The following TMEM260 variants were observed in gnomAD, a reference collection of about 807,000 sequenced individuals.
TMEM260 encodes the protein transmembrane protein 260.
A neutral mutation model predicts 88.9 loss-of-function variants in TMEM260; 82 were observed. That is an observed-to-expected ratio of 0.92 (90% CI 0.77 to 1.11). The LOEUF (loss-of-function observed/expected upper bound fraction) is 1.11. TMEM260 is among the 50% of genes least tolerant of loss of function. TMEM260 has a pLI of 0.00. For missense variants in TMEM260, 902 were observed against 853.4 expected, an observed-to-expected ratio of 1.06 and a Z score of -0.71; for synonymous variants, 314 against 309.3, an observed-to-expected ratio of 1.02 and a Z score of -0.16.
chr14:56,611,232 C>CT (rs1017062701), intron 6 of TMEM260, among the ~76,000 whole-genome samples: 4 of 152,088 alleles, frequency 2.6e-5, no homozygotes, highest in Admixed American at 1.3e-4. Context: ...TCCCAAAGTG[C>CT]TGGGATTACA....
chr14:56,611,946 A>G (rs1412000375), intron 6 of TMEM260, among the ~76,000 whole-genome samples: 1 of 152,166 alleles, frequency 6.6e-6, no homozygotes, highest in East Asian at 1.9e-4. Context: ...AGTGGGAGCT[A>G]AACATTGAGT....
chr14:56,634,289 G>C (rs1403946056), intron 13 of TMEM260, among the ~76,000 whole-genome samples: 3 of 152,036 alleles, frequency 2.0e-5, no homozygotes, highest in Non-Finnish European at 2.9e-5. Context: ...CCTCTGCCCT[G>C]TTGCCATCTA....
At chr14:56,594,171 T>C (rs4606637) in intron 3 of TMEM260, among the ~76,000 whole-genome samples, 135,062 of 151,912 alleles carry the variant, frequency 0.89, 60,215 homozygotes, top group East Asian at 1. Flanking sequence ...TGTTTAGGCT[T>C]TGTAAGAATT....
downstream of TMEM260, among the ~76,000 whole-genome samples, chr14:56,653,256 A>G (rs1175633556): frequency 6.6e-6 from 1 of 152,202 alleles, no homozygotes; most frequent in Non-Finnish European, 1.5e-5. Context: ...AACAAAGGTA[A>G]GTATTGTTTC....
chr14:56,647,149 TTTC>T, intron 15 of TMEM260, 91 bp from the exon 16 acceptor site: 6 of 1,394,242 alleles, frequency 4.3e-6, no homozygotes, highest in Non-Finnish European at 4.8e-6. Context: ...TGAATTTTTT[TTTC>T]TTGTTATTAA....
chr14:56,595,602 C>G (rs948275996), intron 3 of TMEM260, among the ~76,000 whole-genome samples: 3 of 152,164 alleles, frequency 2.0e-5, no homozygotes, highest in Non-Finnish European at 4.4e-5. Context: ...GCTTCAGCCT[C>G]CCACAGACCT....
intron 12 of TMEM260, among the ~76,000 whole-genome samples, chr14:56,626,149 T>A (rs1228706613): frequency 1.3e-5 from 2 of 152,168 alleles, no homozygotes; most frequent in African/African-American, 4.8e-5. Flanking sequence ...AACACTTATT[T>A]CATGATTTAT....
At position 56,582,396 on chromosome 14, in the gene TMEM260, A is replaced by G. The variant is rs2184299; in HGVS notation, c.160+2322A>G. ...TCTGGCCTTCACTAAATTAGTTTGT[A>G]CGTGAGTTTATTTCAAAGATACTGT... On this transcript the variant is annotated intron_variant, in intron 1 of 15. Transcript: ENST00000261556. Among the ~76,000 whole-genome samples the G allele has an allele frequency of 8.5e-3, 1,291 of 152,268 alleles. 36 individuals carry two copies. The East Asian group carries it at 0.085, about 10-fold the overall frequency.
chr14:56,623,686 C>T (rs1293496560), intron 11 of TMEM260, among the ~76,000 whole-genome samples: 1 of 152,142 alleles, frequency 6.6e-6, no homozygotes, highest in Non-Finnish European at 1.5e-5. Flanking sequence ...ACAGTAAAGT[C>T]CATAGCACAC....
Position 56,634,959 on chromosome 14 carries a change from A to G in TMEM260, c.1778+7A>G. On this transcript the variant is annotated splice_region_variant and intron_variant, in intron 14 of 15. Coordinates refer to ENST00000261556, the MANE Select transcript of TMEM260 (RefSeq NM_017799.4). ...AAGAAATGTGGCAAGCGAGGTGACT[A>G]TTCTACATTTTTGTGTGTGCAGTCT... 2 of 1,613,794 alleles carry G rather than the reference A, an allele frequency of 1.2e-6. No individual in the cohort carries two copies. The highest frequency in any genetic ancestry group is 1.7e-6 in the Non-Finnish European group (2 of 1,179,724).
intron 15 of TMEM260, 111 bp downstream of exon 15, chr14:56,636,709 T>C: frequency 1.0e-6 from 1 of 963,878 alleles, no homozygotes; most frequent in South Asian, 1.6e-5. Context: ...ATTTTATTTC[T>C]CTCAATTTGG....
At chr14:56,634,784 G>GTGAGCC in intron 13 of TMEM260, 115 bp from the exon 14 acceptor site, 1 of 864,178 alleles carries the variant, frequency 1.2e-6, no homozygotes, top group East Asian at 2.5e-5. Context: ...GGAGGTTGCA[G>GTGAGCC]TGAGCCAAGA....
rs1358323074 is a variant in TMEM260, at chr14:56,617,201, A to G, written c.960A>G (p.Ser320=). ...TTTGTAGGGACAGACAGAATCCATC[A>G]TTAGTATGGCTTTTTACTGGAATGT... ...CLATKDRQNP[S]LVWLFTGMFC... is the part of the protein sequence containing the mutation. Residue 320 remains serine (S), a synonymous_variant, in exon 9 of 16, where the codon TCA becomes TCG. Transcript: ENST00000261556. 1.3e-6 allele frequency: 2 copies of G among 1,596,796 alleles called. No individual in the cohort carries two copies. The highest frequency in any genetic ancestry group is 1.1e-5 in the South Asian group (1 of 87,404).
intron 9 of TMEM260, among the ~76,000 whole-genome samples, 200 bp from the exon 10 acceptor site, chr14:56,618,394 G>T (rs79014150): frequency 1.3e-4 from 20 of 152,026 alleles, no homozygotes; most frequent in African/African-American, 4.3e-4. Context: ...AGATGCACCT[G>T]TCAAACTGGG....
chr14:56,647,225 A>G lies in TMEM260; in HGVS notation c.1870-18A>G. 6.3e-7 allele frequency: 1 copy of G among 1,580,282 alleles called. No homozygotes were observed. Among genetic ancestry groups the G allele is most frequent in the Non-Finnish European group, 8.6e-7 (1 of 1,162,134 alleles). ...CAAAGAATAACAATGGAATACCAACATTTCTGCTGTTTTCTAGCTTTATAA... is the reference window on the plus strand; with the variant it reads ...CAAAGAATAACAATGGAATACCAACGTTTCTGCTGTTTTCTAGCTTTATAA... On this transcript the variant is annotated intron_variant, in intron 15 of 15. Transcript: ENST00000261556.
chr14:56,640,340 A>G (rs897151921), intron 15 of TMEM260, among the ~76,000 whole-genome samples: 3 of 152,332 alleles, frequency 2.0e-5, no homozygotes, highest in South Asian at 2.1e-4. Flanking sequence ...CAGTTCACCA[A>G]TATCCGCTGT....
At chr14:56,628,485 A>G (rs1365934788) in intron 12 of TMEM260, among the ~76,000 whole-genome samples, 1 of 152,166 alleles carries the variant, frequency 6.6e-6, no homozygotes. Flanking sequence ...ATGCCAGATC[A>G]CAAAGATTTT....
chr14:56,610,291 A>AG (rs1887173805), intron 6 of TMEM260, among the ~76,000 whole-genome samples: 1 of 151,882 alleles, frequency 6.6e-6, no homozygotes, highest in Non-Finnish European at 1.5e-5. Context: ...CCCAGGTTGG[A>AG]GTGCAGTGGC....
At chr14:56,632,924 A>G (rs762584395) in intron 12 of TMEM260, 71 bp from the exon 13 acceptor site, 4 of 1,392,490 alleles carry the variant, frequency 2.9e-6, no homozygotes, top group Non-Finnish European at 2.9e-6. Context: ...ATGATCTTTC[A>G]TGAATTATAT....
Sources: gnomAD v4.1 joint callset for allele counts (sites outside exome capture counted in the v4.1 genomes callset) on GRCh38, gnomAD v4.1.1 for gene constraint, MANE v1.5 for transcripts, NCBI Gene and HGNC (gene_info 2026-07-23, HGNC 2026-07-21) for gene names.